SLC17A7: variants seen among roughly 807,000 people sequenced by gnomAD.
The protein encoded by SLC17A7 is solute carrier family 17 member 7, also known as vesicular glutamate transporter 1.
A neutral mutation model predicts 59.1 loss-of-function variants in SLC17A7; 15 were observed. The observed-to-expected ratio is 0.25, with a 90% CI of 0.17 to 0.39. SLC17A7 has a LOEUF of 0.39. Ranked by LOEUF, SLC17A7 falls within the 10% of genes least tolerant of loss-of-function variation. SLC17A7 has a pLI of 1.00. For synonymous variants in SLC17A7, 353 were observed against 308.9 expected (o/e 1.14, Z -1.50); for missense variants, 499 against 765.1 (o/e 0.65, Z 4.10).
chr19:49,439,997 G>GA (rs1298254935), intron 1 of SLC17A7, among the ~76,000 whole-genome samples: 1 of 152,084 alleles, frequency 6.6e-6, no homozygotes, highest in East Asian at 1.9e-4. Flanking sequence ...AAGGAGGCGA[G>GA]AAAAAGGGTG....
Position 49,432,828 on chromosome 19 carries a change from C to T in SLC17A7, c.1000G>A (p.Gly334Ser), listed in dbSNP as rs752384968. 4 of 1,590,644 alleles carry T rather than the reference C, an allele frequency of 2.5e-6. 1 individual carries two copies. The Admixed American group carries it at 5.3e-5, about 21-fold the overall frequency. ...SQPAYFEEVF[G>S]FEISKVGLVS... ...GGCTCTACCTTGCTGATCTCGAAGC[C>T]GAACACTTCTTCGAAGTAGGCGGGC... Residue 334 changes from glycine (G) to serine (S), a missense_variant, in exon 8 of 12, where the codon GGC becomes AGC. By Grantham distance (56) the Gly-to-Ser change is moderately conservative (BLOSUM62 0). Around this residue, in one of 3 missense-constraint regions of SLC17A7, gnomAD observed 323 missense variants for 607.2 expected, o/e 0.53. Coordinates refer to ENST00000221485, the MANE Select transcript of SLC17A7 (RefSeq NM_020309.4).
Position 49,434,808 on chromosome 19 carries a change from C to A in SLC17A7, c.509G>T (p.Gly170Val). The change falls in exon 4 of 12, where the codon GGC (glycine) becomes GTC (valine). Residue 170 changes from glycine (G) to valine (V), a missense_variant. Physicochemically the swap from Gly to Val is moderately radical, Grantham distance 109. Around this residue, in one of 3 missense-constraint regions of SLC17A7, gnomAD observed 323 missense variants for 607.2 expected, o/e 0.53. Transcript: ENST00000221485. The part of the protein sequence containing the change: ...LIPSAARVHY[G>V]CVIFVRILQG... ...CAGGATCCTCACGAAGATGACACAG[C>A]CATAGTGGACGCGGGCAGCTGAGGG... The A allele has an allele frequency of 6.2e-7, 1 of 1,614,170 alleles. No homozygotes were observed.
At position 49,436,405 on chromosome 19, in the gene SLC17A7, C is replaced by G. The variant is rs1157671072; in HGVS notation, c.315+144G>C. On this transcript the variant is annotated intron_variant, in intron 2 of 11. Coordinates refer to ENST00000221485, the MANE Select transcript of SLC17A7 (RefSeq NM_020309.4). This position sits in a 1 kb window ranked among gnomAD's most constrained non-coding sequence, Gnocchi z 4.1. ...CTAAGGCGAGGTCAGAACTAAGGGGCGCACGGATTGGGCGGAGCTATTCCG... is the reference window on the plus strand; with the variant it reads ...CTAAGGCGAGGTCAGAACTAAGGGGGGCACGGATTGGGCGGAGCTATTCCG... 20 of 1,110,332 alleles carry G rather than the reference C, an allele frequency of 1.8e-5. No individual in the cohort carries two copies. Among genetic ancestry groups the G allele is most frequent in the Non-Finnish European group, 2.4e-5 (19 of 785,100 alleles). The allele number at this position is 1,110,332 out of a possible 1,614,324, so 68.8% of individuals were successfully genotyped here. A position where few individuals can be genotyped will look rare whatever the true frequency, so the allele number is the denominator to read the frequency against.
At chr19:49,441,204 G>C (rs1372245018) in intron 1 of SLC17A7, 114 bp downstream of exon 1, 2 of 1,518,586 alleles carry the variant, frequency 1.3e-6, no homozygotes, top group Non-Finnish European at 1.8e-6. Context: ...TGGACAGATG[G>C]GTGGACCCCC....
At position 49,431,559 on chromosome 19, in the gene SLC17A7, C is replaced by A; in HGVS notation, c.1151-111G>T. On this transcript the variant is annotated intron_variant, in intron 9 of 11. Coordinates refer to ENST00000221485, the MANE Select transcript of SLC17A7 (RefSeq NM_020309.4). The surrounding 1 kb of genome is among the most constrained non-coding windows in gnomAD (Gnocchi z 4.6). ...CCAGCCCCAAACCGCGTCTATCCACCCCAGTCTGGCCACCTCCACGCCCAG... is the reference window on the plus strand; with the variant it reads ...CCAGCCCCAAACCGCGTCTATCCACACCAGTCTGGCCACCTCCACGCCCAG... 1.2e-6 allele frequency: 1 copy of A among 831,928 alleles called. No homozygotes were observed. The highest frequency in any genetic ancestry group is 1.6e-5 in the South Asian group (1 of 61,312). The allele number at this position is 831,928 out of a possible 1,614,324, so 51.5% of individuals were successfully genotyped here.
Position 49,431,504 on chromosome 19 carries a change from G to A in SLC17A7, c.1151-56C>T. The A allele has an allele frequency of 6.8e-7, 1 of 1,464,250 alleles. No individual in the cohort carries two copies. Among genetic ancestry groups the A allele is most frequent in the East Asian group, 2.3e-5 (1 of 43,452 alleles). The allele number at this position is 1,464,250 out of a possible 1,614,324, so 90.7% of individuals were successfully genotyped here. ...GAGTGTCGGCCGGAGCAAGGCGCAG[G>A]CTGCCCCACACCGCCCTTCCAGACC... is the stretch of plus-strand genomic sequence containing the variant. On this transcript the variant is annotated intron_variant, in intron 9 of 11. Transcript: ENST00000221485. The surrounding 1 kb of genome is among the most constrained non-coding windows in gnomAD (Gnocchi z 4.6).
At chr19:49,432,487 C>A (rs767907703) in intron 9 of SLC17A7, 32 bp downstream of exon 9, 61 of 1,604,500 alleles carry the variant, frequency 3.8e-5, no homozygotes, top group Non-Finnish European at 4.9e-5. Context: ...CCCAGGCTGT[C>A]CTAGAGCCGG....
In SLC17A7 at chr19:49,436,192, A is replaced by G. The variant is rs1313996091; in HGVS notation, c.315+357T>C. 3.5e-6 allele frequency: 1 copy of G among 289,282 alleles called. No homozygotes were observed. The allele number at this position is 289,282 out of a possible 1,614,324, so 17.9% of individuals were successfully genotyped here. On this transcript the variant is annotated intron_variant, in intron 2 of 11. Coordinates refer to ENST00000221485, the MANE Select transcript of SLC17A7 (RefSeq NM_020309.4). This position sits in a 1 kb window ranked among gnomAD's most constrained non-coding sequence, Gnocchi z 4.1. ...CTGAGATGGGACTGAGATTAAATAG[A>G]TGTGACCCGGGGACATGAGCTTGGG...
In SLC17A7 at chr19:49,433,216, A is replaced by C. The variant is rs1302338414; in HGVS notation, c.868-256T>G. The C allele has an allele frequency of 2.2e-5, 12 of 539,712 alleles. No homozygotes were observed. The highest frequency in any genetic ancestry group is 3.9e-5 in the Non-Finnish European group (12 of 307,440). 33.4% of individuals were successfully genotyped at this position (539,712 alleles called of 1,614,324 possible). ...AGGTCCGCAGGTGTCCGGGCCCCTC[A>C]GGGACCTGTCTTTTTCTTTTTTTCT... On this transcript the variant is annotated intron_variant, in intron 7 of 11. Coordinates refer to ENST00000221485, the MANE Select transcript of SLC17A7 (RefSeq NM_020309.4). The surrounding 1 kb of genome is among the most constrained non-coding windows in gnomAD (Gnocchi z 5.7).
chr19:49,434,515 C>G (rs1211797213), intron 5 of SLC17A7, 87 bp downstream of exon 5: 3 of 1,268,234 alleles, frequency 2.4e-6, no homozygotes, highest in South Asian at 1.5e-5. Flanking sequence ...GTTCAGCCCC[C>G]CCAGCCCCTC....
rs756589746 is a variant in SLC17A7, at chr19:49,436,605, T to C, written c.259A>G (p.Ile87Val). The C allele has an allele frequency of 6.2e-6, 10 of 1,613,830 alleles. No homozygotes were observed. The highest frequency in any genetic ancestry group is 1.1e-5 in the South Asian group (1 of 91,088). Residue 87 changes from isoleucine to valine, a missense_variant, in exon 2 of 12, where the codon ATC (isoleucine) becomes GTC (valine). By Grantham distance (29) the Ile-to-Val change is conservative. Transcript: ENST00000221485. The surrounding 1 kb of genome is among the most constrained non-coding windows in gnomAD (Gnocchi z 4.1). ...FGIRCNLGVA[I>V]VSMVNNSTTH... Reference sequence around the variant, plus strand: ...GTGCTGTTATTGACCATGGAGACGATGGCCACGCCCAGGTTGCAGCGGATG... The same window carrying C: ...GTGCTGTTATTGACCATGGAGACGACGGCCACGCCCAGGTTGCAGCGGATG...
At position 49,430,555 on chromosome 19, in the gene SLC17A7, C is replaced by T. The variant is rs781676985; in HGVS notation, c.1647G>A (p.Gln549=). 1.7e-5 allele frequency: 27 copies of T among 1,598,446 alleles called. No individual in the cohort carries two copies. Among genetic ancestry groups the T allele is most frequent in the Non-Finnish European group, 2.1e-5 (25 of 1,171,748 alleles). Residue 549 remains glutamine (Q), a synonymous_variant, in exon 12 of 12, where the codon CAG becomes CAA. Coordinates refer to ENST00000221485, the MANE Select transcript of SLC17A7 (RefSeq NM_020309.4). Reference sequence around the variant, plus strand: ...GGACAGGGGGTGGGGGCCTGGGGGGCTGAAATGTGCTGTGTGTGGCCCCAT... The same window carrying T: ...GGACAGGGGGTGGGGGCCTGGGGGGTTGAAATGTGCTGTGTGTGGCCCCAT... The part of the protein sequence containing the change: ...PSYGATHSTF[Q]PPRPPPPVRD...
At chr19:49,438,378 G>A (rs2078987848) in intron 1 of SLC17A7, 1 of 152,374 alleles carries the variant, frequency 6.6e-6, no homozygotes, top group Admixed American at 6.5e-5. Context: ...GATTTGTGAG[G>A]TGCAGCCCCT....
rs1456540050 is a variant in SLC17A7 at position 49,435,241 on chromosome 19, C to A, written c.361G>T (p.Gly121Cys). The change falls in exon 3 of 12, where the codon GGC becomes TGC. Residue 121 changes from glycine (G) to cysteine (C), a missense_variant. Transcript: ENST00000221485. ...ACAATGTAGCCCCAGAAAAAGGAGC[C>A]GTGTATGAGGCCGACAGTCTCTGGA... ...WDPETVGLIHGSFFWGYIVTQ... is the reference protein window; with the variant it reads ...WDPETVGLIHCSFFWGYIVTQ... The A allele has an allele frequency of 2.5e-6, 4 of 1,614,094 alleles. No individual in the cohort carries two copies. The highest frequency in any genetic ancestry group is 3.4e-6 in the Non-Finnish European group (4 of 1,180,008).
intron 5 of SLC17A7, 124 bp downstream of exon 5, chr19:49,434,478 T>G: frequency 2.3e-6 from 2 of 874,174 alleles, no homozygotes; most frequent in Non-Finnish European, 3.3e-6. Context: ...AGGTCCAGAG[T>G]CTCCTCCTCC....
At chr19:49,439,764 C>T (rs1456445862) in intron 1 of SLC17A7, among the ~76,000 whole-genome samples, 1 of 152,132 alleles carries the variant, frequency 6.6e-6, no homozygotes, top group African/African-American at 2.4e-5. Context: ...TGGCCAGAGC[C>T]CGGGGGTCTC....
intron 1 of SLC17A7, among the ~76,000 whole-genome samples, chr19:49,440,003 G>C (rs74672238): frequency 0.018 from 2,753 of 152,220 alleles, 70 homozygotes; most frequent in African/African-American, 0.063. Flanking sequence ...GCGAGAAAAA[G>C]GGTGGGGAGG....
At chr19:49,435,350 C>T in intron 2 of SLC17A7, 64 bp from the exon 3 acceptor site, 2 of 1,171,750 alleles carry the variant, frequency 1.7e-6, no homozygotes, top group Non-Finnish European at 2.5e-6. Flanking sequence ...CACCAATCAG[C>T]ACCCACAGAC....
In SLC17A7 at chr19:49,430,245, C is replaced by G; in HGVS notation, c.*274G>C. The G allele has an allele frequency of 3.0e-6, 1 of 334,604 alleles. No homozygotes were observed. 20.7% of individuals were successfully genotyped at this position (334,604 alleles called of 1,614,324 possible). On this transcript the variant is annotated 3_prime_UTR_variant, in exon 12 of 12. Coordinates refer to ENST00000221485, the MANE Select transcript of SLC17A7 (RefSeq NM_020309.4). ...TCGAACTGTCCATTCAAATAAAGCC[C>G]TGAAAGGAGAGATTTGAAACCACTG... is the stretch of plus-strand genomic sequence containing the variant.
Sources: allele counts gnomAD v4.1 joint callset (sites outside exome capture counted in the v4.1 genomes callset), GRCh38; gene constraint gnomAD v4.1.1; regional missense constraint gnomAD v4.1.1; non-coding constraint Gnocchi (gnomAD v3.1); transcripts MANE v1.5; gene names NCBI Gene and HGNC (gene_info 2026-07-23, HGNC 2026-07-21).